LAMA2: variants seen among roughly 807,000 people sequenced by gnomAD.
LAMA2 encodes laminin subunit alpha-2.
LAMA2 carries 269 observed loss-of-function variants against 364.8 expected under a neutral mutation model. That is an observed-to-expected ratio of 0.74 (90% CI 0.67 to 0.82). LAMA2 has a LOEUF of 0.82. Ranked by LOEUF, LAMA2 falls within the 40% of genes least tolerant of loss-of-function variation. LAMA2 has a pLI of 0.00. For synonymous variants in LAMA2, 1,379 were observed against 1,370.6 expected, an observed-to-expected ratio of 1.01 and a Z score of -0.14; for missense variants, 3,807 against 3,873.2, an observed-to-expected ratio of 0.98 and a Z score of 0.45.
intron 1 of LAMA2, among the ~76,000 whole-genome samples, chr6:128,908,085 T>C (rs1451487503): frequency 6.6e-6 from 1 of 151,400 alleles, no homozygotes; most frequent in Non-Finnish European, 1.5e-5. Context: ...AGGATATTGG[T>C]CTAAAATTCT....
intron 4 of LAMA2, among the ~76,000 whole-genome samples, chr6:129,109,847 A>G (rs184441915): frequency 1.3e-5 from 2 of 152,188 alleles, no homozygotes; most frequent in East Asian, 3.9e-4. Context: ...CTCAGGTAAA[A>G]TTCTATCTGA....
At chr6:129,356,530 G>A (rs865955408) in intron 32 of LAMA2, among the ~76,000 whole-genome samples, 39 of 152,016 alleles carry the variant, frequency 2.6e-4, no homozygotes, top group African/African-American at 8.9e-4. Flanking sequence ...ATTTAGGTAG[G>A]TTAAGTCATT....
intron 53 of LAMA2, among the ~76,000 whole-genome samples, 194 bp downstream of exon 53, chr6:129,475,595 C>CCAT (rs1784030968): frequency 6.6e-6 from 1 of 151,736 alleles, no homozygotes; most frequent in African/African-American, 2.4e-5. Flanking sequence ...TGCTTACCCA[C>CCAT]CATCAGTTGG....
In LAMA2 at chr6:129,267,229, C is replaced by G. The variant is rs768864490; in HGVS notation, c.2322+10C>G. 2 of 1,555,620 alleles carry G rather than the reference C, an allele frequency of 1.3e-6. No individual in the cohort carries two copies. Among genetic ancestry groups the G allele is most frequent in the Admixed American group, 3.3e-5 (2 of 59,804 alleles). ...CACTGGAGAATGCCTGGTAAGTGCT[C>G]TCTTCTTTGGGGATGCTGATTGACA... On this transcript the variant is annotated intron_variant, in intron 16 of 64. Coordinates refer to ENST00000421865, the MANE Select transcript of LAMA2 (RefSeq NM_000426.4).
chr6:129,165,732 A>C, intron 9 of LAMA2, 57 bp downstream of exon 9: 1 of 1,006,904 alleles, frequency 9.9e-7, no homozygotes, highest in Non-Finnish European at 1.6e-6. Context: ...AAAGCCAAAT[A>C]TGATTATTTT....
chr6:129,501,827 C>A (rs1252552479), intron 58 of LAMA2, among the ~76,000 whole-genome samples: 1 of 152,068 alleles, frequency 6.6e-6, no homozygotes. Context: ...ATTTAAGGAG[C>A]CTTGATTATT....
At chr6:129,272,248 G>A (rs569600276) in intron 17 of LAMA2, among the ~76,000 whole-genome samples, 1 of 152,160 alleles carries the variant, frequency 6.6e-6, no homozygotes, top group African/African-American at 2.4e-5. Context: ...CAATTCTGGA[G>A]CCAGACTCTT....
intron 56 of LAMA2, among the ~76,000 whole-genome samples, chr6:129,487,259 G>A (rs1784637231): frequency 6.6e-6 from 1 of 152,150 alleles, no homozygotes; most frequent in South Asian, 2.1e-4. Context: ...CCTGGGCCAG[G>A]GAATTGGCTT....
intron 18 of LAMA2, among the ~76,000 whole-genome samples, chr6:129,284,928 C>T (rs1223026598): frequency 1.3e-5 from 2 of 152,078 alleles, no homozygotes; most frequent in East Asian, 3.9e-4. Context: ...AGGAACAATG[C>T]CTTTGTTATG....
chr6:129,149,669 A>C (rs1224525605), intron 7 of LAMA2, among the ~76,000 whole-genome samples: 1 of 152,098 alleles, frequency 6.6e-6, no homozygotes, highest in Non-Finnish European at 1.5e-5. Flanking sequence ...AATGTTCCCC[A>C]CCTATAAGAT....
chr6:129,371,699 C>T (rs554148772), intron 34 of LAMA2, among the ~76,000 whole-genome samples: 89 of 151,458 alleles, frequency 5.9e-4, no homozygotes, highest in Non-Finnish European at 1.1e-3. Flanking sequence ...CTCCGCCTCC[C>T]GGGTTCAAGT....
chr6:129,288,662 C>A (rs1027287515), intron 19 of LAMA2, among the ~76,000 whole-genome samples: 1 of 152,170 alleles, frequency 6.6e-6, no homozygotes, highest in African/African-American at 2.4e-5. Flanking sequence ...AAATTAGCTA[C>A]TCTAGGGCTT....
At chr6:129,011,146 A>T (rs1355564686) in intron 1 of LAMA2, among the ~76,000 whole-genome samples, 2 of 152,076 alleles carry the variant, frequency 1.3e-5, no homozygotes, top group Admixed American at 1.3e-4. Context: ...CCATTTATCC[A>T]TGTGGAGAAT....
chr6:129,392,627 A>G (rs1779382453), intron 36 of LAMA2, among the ~76,000 whole-genome samples: 1 of 152,224 alleles, frequency 6.6e-6, no homozygotes, highest in South Asian at 2.1e-4. Flanking sequence ...ACAATGACCT[A>G]GAATTCTGTT....
intron 1 of LAMA2, among the ~76,000 whole-genome samples, chr6:128,911,421 T>C (rs965827598): frequency 6.6e-6 from 1 of 152,142 alleles, no homozygotes; most frequent in Non-Finnish European, 1.5e-5. Flanking sequence ...CCATCACCCC[T>C]TTCTTTGACT....
intron 37 of LAMA2, among the ~76,000 whole-genome samples, chr6:129,393,793 G>A (rs534228654): frequency 2.6e-5 from 4 of 152,278 alleles, no homozygotes; most frequent in African/African-American, 9.6e-5. Flanking sequence ...AATTCAATCT[G>A]AGCACATGAC....
Position 129,336,869 on chromosome 6 carries a change from C to T in LAMA2, c.4312-5474C>T, listed in dbSNP as rs1477646234. ...GTTGTGTTCAAAATATCTGTAAATG[C>T]TTTGGATGATATCTATCAAATATTC... On this transcript the variant is annotated intron_variant, in intron 29 of 64. Coordinates refer to ENST00000421865, the MANE Select transcript of LAMA2 (RefSeq NM_000426.4). Among the ~76,000 whole-genome samples the T allele has an allele frequency of 7.2e-5, 11 of 152,268 alleles. No homozygotes were observed. In the East Asian group the frequency reaches 1.9e-3, roughly 27 times the overall value.
chr6:129,043,249 C>T (rs540191177), intron 1 of LAMA2, among the ~76,000 whole-genome samples: 4 of 152,208 alleles, frequency 2.6e-5, no homozygotes, highest in Admixed American at 2.0e-4. Flanking sequence ...ATCTCTCACC[C>T]ACCATTTCTT....
chr6:129,428,812 T>C (rs995416718), intron 41 of LAMA2, among the ~76,000 whole-genome samples: 23 of 152,288 alleles, frequency 1.5e-4, no homozygotes, highest in African/African-American at 5.3e-4. Flanking sequence ...TCTACTGCCA[T>C]ATTATGGGTT....
Sources: allele counts gnomAD v4.1 joint callset (sites outside exome capture counted in the v4.1 genomes callset), GRCh38; gene constraint gnomAD v4.1.1; transcripts MANE v1.5; gene names NCBI Gene and HGNC (gene_info 2026-07-23, HGNC 2026-07-21).